Variants in BPIFB3 observed in about 807,000 individuals in gnomAD.
The protein encoded by BPIFB3 is BPI fold-containing family B member 3.
A neutral mutation model predicts 53.1 loss-of-function variants in BPIFB3; 49 were observed. The observed-to-expected ratio is 0.92, with a 90% CI of 0.73 to 1.17. BPIFB3 has a LOEUF of 1.17. Among genes scored for constraint, BPIFB3 ranks in the 50% most tolerant of loss-of-function variants. The pLI is 0.00. For synonymous variants in BPIFB3, 271 were observed against 269.6 expected, an observed-to-expected ratio of 1.01 and a Z score of -0.05; for missense variants, 628 against 592.5, an observed-to-expected ratio of 1.06 and a Z score of -0.62.
rs759935408 is a variant in BPIFB3, at chr20:33,064,834, A to AT, written c.913_914insT (p.Thr305IlefsTer3). ...CAACGGCGCCCTCGACATGGACATC[A>AT]CCCCTGAGCTGGTGAGTGTGGTGCC... is the stretch of plus-strand genomic sequence containing the variant. On this transcript the variant is annotated frameshift_variant, in exon 8 of 15. Transcript: ENST00000375494. LOFTEE classifies it high-confidence loss of function. The AT allele has an allele frequency of 6.2e-7, 1 of 1,612,198 alleles. No homozygotes were observed. The highest frequency in any genetic ancestry group is 1.7e-5 in the Admixed American group (1 of 59,944).
At chr20:33,071,273 C>G in exon 12 of BPIFB3, 1 of 1,565,216 alleles carries the variant, frequency 6.4e-7, no homozygotes, top group South Asian at 1.2e-5. Context: ...AAGGTGGCCT[C>G]CTCCTTTACC....
exon 3 of BPIFB3, chr20:33,059,472 C>G (rs1980352796): frequency 6.2e-7 from 1 of 1,610,402 alleles, no homozygotes; most frequent in Non-Finnish European, 8.5e-7. Context: ...AGTGGGCATG[C>G]ATTGCTCTGG....
In BPIFB3 at chr20:33,063,689, C is replaced by T. The variant is rs202238178; in HGVS notation, c.652+14C>T. 6.2e-7 allele frequency: 1 copy of T among 1,612,306 alleles called. No homozygotes were observed. Among genetic ancestry groups the T allele is most frequent in the East Asian group, 2.2e-5 (1 of 44,766 alleles). On this transcript the variant is annotated intron_variant, in intron 6 of 14. Transcript: ENST00000375494. ...GGGCTGTGCTGGGTAAGTCAGGGCTCAATGCCCTCCTCTTTGCCCCTTCTA... is the reference window on the plus strand; with the variant it reads ...GGGCTGTGCTGGGTAAGTCAGGGCTTAATGCCCTCCTCTTTGCCCCTTCTA...
rs1294918530 is a variant in BPIFB3, at chr20:33,071,288, C to A, written c.1253C>A (p.Ala418Asp). The stretch of plus-strand genomic sequence containing the variant: ...AAGGTGGCCTCCTCCTTTACCCATG[C>A]CTTTGACGTAAGTTCCTGGGAGGGT... The change falls in exon 12 of 15, where the codon GCC becomes GAC. Residue 418 changes from alanine to aspartate, a missense_variant. Physicochemically the swap from Ala to Asp is moderately radical, Grantham distance 126. Coordinates refer to ENST00000375494, the Ensembl canonical transcript of BPIFB3. 10 of 1,563,508 alleles carry A rather than the reference C, an allele frequency of 6.4e-6. No homozygotes were observed. In the African/African-American group the frequency reaches 1.2e-4, roughly 19 times the overall value.
chr20:33,072,856 T>C lies in BPIFB3; in HGVS notation c.1401+63T>C. The stretch of plus-strand genomic sequence containing the variant: ...AAGCTTGTCTCTGGAAAGCTCTGCT[T>C]GAAACTAATGAGGGGAATGCTTTGC... On this transcript the variant is annotated intron_variant, in intron 14 of 14. Transcript: ENST00000375494. 2.3e-6 allele frequency: 3 copies of C among 1,329,248 alleles called. No individual in the cohort carries two copies. The South Asian group carries it at 3.6e-5, about 16-fold the overall frequency. The allele number at this position is 1,329,248 out of a possible 1,614,324, so 82.3% of individuals were successfully genotyped here.
exon 3 of BPIFB3, chr20:33,059,431 G>C (rs1465539255): frequency 1.2e-6 from 2 of 1,612,910 alleles, no homozygotes; most frequent in Admixed American, 3.3e-5. Context: ...CTGCTGCCGG[G>C]ATTTGGGGTG....
intron 2 of BPIFB3, among the ~76,000 whole-genome samples, chr20:33,057,335 CCCA>C (rs1375013284): frequency 6.6e-6 from 1 of 151,910 alleles, no homozygotes; most frequent in Non-Finnish European, 1.5e-5. Flanking sequence ...ATTACAGGCG[CCCA>C]CCACCACGAC....
At chr20:33,061,050 G>A (rs221981) in intron 4 of BPIFB3, among the ~76,000 whole-genome samples, 5,419 of 152,246 alleles carry the variant, frequency 0.036, 134 homozygotes, top group Non-Finnish European at 0.06. Context: ...CACCTTCCAG[G>A]CCCAATCCCA....
At chr20:33,071,379 G>T in intron 12 of BPIFB3, 84 bp downstream of exon 13, 1 of 1,436,764 alleles carries the variant, frequency 7.0e-7, no homozygotes. Flanking sequence ...TGAGTCATGG[G>T]CCATATGACT....
At chr20:33,073,248 G>A (rs1230894426) in intron 14 of BPIFB3, among the ~76,000 whole-genome samples, 2 of 152,210 alleles carry the variant, frequency 1.3e-5, no homozygotes, top group Non-Finnish European at 2.9e-5. Flanking sequence ...ACTTTGGGTG[G>A]TGGAATAGCT....
At chr20:33,068,657 G>A in intron 9 of BPIFB3, 146 bp from the exon 11 acceptor site, 1 of 798,298 alleles carries the variant, frequency 1.3e-6, no homozygotes, top group Non-Finnish European at 2.0e-6. Context: ...CCTCATGGGG[G>A]CTGAGCCCAG....
At chr20:33,058,134 G>A (rs935016006) in intron 2 of BPIFB3, among the ~76,000 whole-genome samples, 1 of 152,200 alleles carries the variant, frequency 6.6e-6, no homozygotes, top group African/African-American at 2.4e-5. Context: ...TATGGCTGGT[G>A]GGTGAATTAG....
chr20:33,061,942 C>A (rs1370738795), intron 5 of BPIFB3, 111 bp downstream of exon 6: 2 of 1,259,222 alleles, frequency 1.6e-6, no homozygotes, highest in East Asian at 4.9e-5. Flanking sequence ...TACTTCCCTT[C>A]CACACCCACC....
rs754748729 is a variant in BPIFB3, at chr20:33,072,777, TTCTGGAGATCGTAGAGGTGAGCCTTC to T, written c.1390_1401+14del. 6.2e-7 allele frequency: 1 copy of T among 1,613,436 alleles called. No homozygotes were observed. ...CTTAATATCAATTTTTCCAATTCAGTTCTGGAGATCGTAGAGGTGAGCCTTCTCTGCAGATACGGCCCAGGTGGGCC... is the reference window on the plus strand; with the variant it reads ...CTTAATATCAATTTTTCCAATTCAGTTCTGCAGATACGGCCCAGGTGGGCC... On this transcript the variant is annotated splice_donor_variant and splice_donor_5th_base_variant and coding_sequence_variant and intron_variant, in exon 14 of 15. Coordinates refer to ENST00000375494, the Ensembl canonical transcript of BPIFB3. LOFTEE classifies it high-confidence loss of function.
exon 11 of BPIFB3, chr20:33,069,930 C>T: frequency 1.2e-6 from 2 of 1,614,220 alleles, no homozygotes; most frequent in Non-Finnish European, 1.7e-6. Flanking sequence ...GGCTACCAAG[C>T]TGCACATCTC....
At chr20:33,057,901 A>G (rs960915399) in intron 2 of BPIFB3, among the ~76,000 whole-genome samples, 1 of 152,102 alleles carries the variant, frequency 6.6e-6, no homozygotes, top group Admixed American at 6.5e-5. Context: ...ATGAGCACCT[A>G]TTCAGGGTTT....
chr20:33,072,759 T>C (rs1426300119), exon 14 of BPIFB3: 2 of 1,613,914 alleles, frequency 1.2e-6, no homozygotes, highest in Admixed American at 3.3e-5. Flanking sequence ...GTTCTTAATA[T>C]CAATTTTTCC....
At chr20:33,066,692 G>T in intron 8 of BPIFB3, 132 bp from the exon 10 acceptor site, 1 of 811,222 alleles carries the variant, frequency 1.2e-6, no homozygotes, top group Non-Finnish European at 2.1e-6. Flanking sequence ...ACAAACTTGA[G>T]TGTTTGTAGT....
Position 33,068,920 on chromosome 20 carries a change from GT to G in BPIFB3, c.1097del (p.Val366GlyfsTer16). ...GGTCTCCCTCCCAGCCAACATCCATGTGCTGTTCTATGTCCCTAAGGGGACC... is the reference window on the plus strand; with the variant it reads ...GGTCTCCCTCCCAGCCAACATCCATGGCTGTTCTATGTCCCTAAGGGGACC... On this transcript the variant is annotated frameshift_variant, in exon 10 of 15. Coordinates refer to ENST00000375494, the Ensembl canonical transcript of BPIFB3. LOFTEE classifies it high-confidence loss of function. 5.6e-6 allele frequency: 9 copies of G among 1,614,044 alleles called. No homozygotes were observed. The highest frequency in any genetic ancestry group is 7.6e-6 in the Non-Finnish European group (9 of 1,179,932).
Sources: allele counts gnomAD v4.1 joint callset (sites outside exome capture counted in the v4.1 genomes callset), GRCh38; gene constraint gnomAD v4.1.1; transcripts MANE v1.5; gene names NCBI Gene and HGNC (gene_info 2026-07-23, HGNC 2026-07-21).